The following LRRTM4 variants were observed in gnomAD, a reference collection of about 807,000 sequenced individuals.
The protein encoded by LRRTM4 is leucine-rich repeat transmembrane neuronal protein 4.
Under a neutral mutation model 47.6 loss-of-function variants are expected in LRRTM4, and 25 were observed. That is an observed-to-expected ratio of 0.53 (90% confidence interval 0.38 to 0.73). The LOEUF (loss-of-function observed/expected upper bound fraction) is 0.73. Ranked by LOEUF, LRRTM4 falls within the 30% of genes least tolerant of loss-of-function variation. The pLI is 0.00. For synonymous variants in LRRTM4, 311 were observed against 269.5 expected, an observed-to-expected ratio of 1.15 and a Z score of -1.51; for missense variants, 638 against 713.4, an observed-to-expected ratio of 0.89 and a Z score of 1.20.
At chr2:76,802,131 G>A (rs1215670385) in intron 3 of LRRTM4, among the ~76,000 whole-genome samples, 1 of 151,630 alleles carries the variant, frequency 6.6e-6, no homozygotes, top group Admixed American at 6.6e-5. Flanking sequence ...GAGCAATTAG[G>A]CAAGGGAAAA....
chr2:77,146,600 T>C (rs978982275), intron 3 of LRRTM4, among the ~76,000 whole-genome samples: 10 of 152,198 alleles, frequency 6.6e-5, no homozygotes, highest in African/African-American at 2.4e-4. Flanking sequence ...AATTTTCTTT[T>C]TTCATTGTTG....
At chr2:77,361,508 T>TA (rs1268307444) in intron 3 of LRRTM4, among the ~76,000 whole-genome samples, 1 of 152,152 alleles carries the variant, frequency 6.6e-6, no homozygotes, top group Non-Finnish European at 1.5e-5. Context: ...ATCTCATCCT[T>TA]AAAAAAACTG....
At chr2:76,802,525 G>A (rs1000555065) in intron 3 of LRRTM4, among the ~76,000 whole-genome samples, 2 of 151,990 alleles carry the variant, frequency 1.3e-5, no homozygotes, top group Non-Finnish European at 2.9e-5. Context: ...ATGGAAACCG[G>A]AAAAATGTCT....
intron 3 of LRRTM4, among the ~76,000 whole-genome samples, chr2:77,512,366 G>A (rs976194450): frequency 6.6e-6 from 1 of 152,006 alleles, no homozygotes; most frequent in Non-Finnish European, 1.5e-5. Flanking sequence ...TGGAGTGCAT[G>A]AGAAAAATAG....
intron 3 of LRRTM4, among the ~76,000 whole-genome samples, chr2:77,402,986 CT>C (rs1674021178): frequency 6.6e-6 from 1 of 151,990 alleles, no homozygotes; most frequent in South Asian, 2.1e-4. Context: ...TTCCCACTAT[CT>C]TTATTGTGAT....
intron 3 of LRRTM4, among the ~76,000 whole-genome samples, chr2:76,778,722 C>T (rs2104145694): frequency 1.3e-5 from 2 of 151,208 alleles, no homozygotes; most frequent in East Asian, 3.9e-4. Flanking sequence ...CTCCTGGATT[C>T]ATTAATTTTT....
intron 3 of LRRTM4, among the ~76,000 whole-genome samples, chr2:76,976,276 T>G (rs74650624): frequency 6.6e-6 from 1 of 151,810 alleles, no homozygotes; most frequent in East Asian, 2.0e-4. Flanking sequence ...TCTAAAATAA[T>G]AGTATCAAGA....
At chr2:76,798,993 T>G (rs950275821) in intron 3 of LRRTM4, among the ~76,000 whole-genome samples, 9 of 150,810 alleles carry the variant, frequency 6.0e-5, no homozygotes, top group South Asian at 2.1e-4. Context: ...CAGGACCAGA[T>G]GGATTCACAG....
At chr2:77,173,766 GC>G (rs1673117963) in intron 3 of LRRTM4, among the ~76,000 whole-genome samples, 1 of 151,788 alleles carries the variant, frequency 6.6e-6, no homozygotes, top group Admixed American at 6.6e-5. Context: ...CAGCCTCCAC[GC>G]CCCCACACAT....
At chr2:76,984,206 G>C (rs1265436392) in intron 3 of LRRTM4, among the ~76,000 whole-genome samples, 2 of 151,900 alleles carry the variant, frequency 1.3e-5, no homozygotes, top group African/African-American at 4.8e-5. Context: ...ACATAAGACA[G>C]CTTTTCACAG....
chr2:77,476,726 G>A (rs1173951706), intron 3 of LRRTM4, among the ~76,000 whole-genome samples: 7 of 151,960 alleles, frequency 4.6e-5, no homozygotes, highest in African/African-American at 1.2e-4. Flanking sequence ...TTATAGTAAT[G>A]GACCGAGTTT....
rs200930647 is a variant in LRRTM4 at position 77,202,549 on chromosome 2, A to AT, written c.1551+315768dup. Among the ~76,000 whole-genome samples, 1,433 of 148,140 alleles carry AT rather than the reference A, an allele frequency of 9.7e-3. 39 individuals are homozygous for AT. The East Asian group carries it at 0.1, about 10-fold the overall frequency. ...GCCATTTTACATTGGAATTTGGATA[A>AT]TTTTTTTTTTTCCAGAAAGTCGAGC... On this transcript the variant is annotated intron_variant, in intron 3 of 3. Transcript: ENST00000409884.
chr2:77,189,829 AACT>A (rs1243321320), intron 3 of LRRTM4, among the ~76,000 whole-genome samples: 2 of 152,092 alleles, frequency 1.3e-5, no homozygotes, highest in African/African-American at 4.8e-5. Context: ...TTATATACAT[AACT>A]ACTTATAACT....
chr2:77,018,350 G>A (rs1405294646), intron 3 of LRRTM4, among the ~76,000 whole-genome samples: 5 of 141,480 alleles, frequency 3.5e-5, no homozygotes, highest in Non-Finnish European at 7.5e-5. Context: ...TTTGATACCA[G>A]CAGGACTCCT....
At chr2:77,264,757 C>A (rs1676007000) in intron 3 of LRRTM4, among the ~76,000 whole-genome samples, 2 of 151,864 alleles carry the variant, frequency 1.3e-5, no homozygotes, top group African/African-American at 4.8e-5. Flanking sequence ...AAATGAGGCC[C>A]CTTATATAAA....
chr2:77,178,786 G>T (rs1207610544), intron 3 of LRRTM4, among the ~76,000 whole-genome samples: 1 of 151,956 alleles, frequency 6.6e-6, no homozygotes, highest in Non-Finnish European at 1.5e-5. Flanking sequence ...TTACAGCAAG[G>T]TCTTAGTTAT....
rs1558771430 is a variant in LRRTM4, at chr2:76,974,159, T to TATATATACATAC, written c.1552-225244_1552-225243insGTATGTATATAT. Among the ~76,000 whole-genome samples, 117 of 132,736 alleles carry TATATATACATAC rather than the reference T, an allele frequency of 8.8e-4. 1 individual carries two copies. Among genetic ancestry groups the TATATATACATAC allele is most frequent in the African/African-American group, 3.3e-3 (115 of 35,198 alleles). 87.1% of individuals were successfully genotyped at this position (132,736 alleles called of 152,430 possible). On this transcript the variant is annotated intron_variant, in intron 3 of 3. Coordinates refer to ENST00000409884, the MANE Select transcript of LRRTM4 (RefSeq NM_001134745.3). ...ATATATACATATATATACATACATATATATATATACATACATATATATACA... is the reference window on the plus strand; with the variant it reads ...ATATATACATATATATACATACATATATATATACATACATATATATACATACATATATATACA...
At chr2:76,839,462 T>G (rs1671610526) in intron 3 of LRRTM4, among the ~76,000 whole-genome samples, 1 of 152,136 alleles carries the variant, frequency 6.6e-6, no homozygotes, top group Non-Finnish European at 1.5e-5. Flanking sequence ...ATATAGTAAT[T>G]TGAAAATTTA....
At chr2:77,009,179 T>C (rs749605494) in intron 3 of LRRTM4, 9 of 152,112 alleles carry the variant, frequency 5.9e-5, no homozygotes, top group African/African-American at 2.2e-4. Context: ...GCTGACATCA[T>C]TTATAGACAA....
Sources: gnomAD v4.1 joint callset for allele counts (sites outside exome capture counted in the v4.1 genomes callset) on GRCh38, gnomAD v4.1.1 for gene constraint, MANE v1.5 for transcripts, NCBI Gene and HGNC (gene_info 2026-07-23, HGNC 2026-07-21) for gene names.